Variants in ATP10B observed in about 807,000 individuals in gnomAD.
ATP10B encodes the protein phospholipid-transporting ATPase VB.
ATP10B carries 122 observed loss-of-function variants against 141.2 expected under a neutral mutation model. The ratio of observed to expected loss-of-function variants is 0.86; its 90% CI spans 0.75 to 1.00. The LOEUF is 1.00. Among genes scored for constraint, ATP10B ranks in the 50% least tolerant of loss-of-function variants. The pLI is 0.00. For synonymous variants in ATP10B, 685 were observed against 692.0 expected (o/e 0.99, Z 0.16); for missense variants, 1,876 against 1,825.3 (o/e 1.03, Z -0.51).
chr5:160,788,518 CA>C (rs1041341289), intron 1 of ATP10B, among the ~76,000 whole-genome samples: 3 of 152,032 alleles, frequency 2.0e-5, no homozygotes, highest in Admixed American at 1.3e-4. Flanking sequence ...TTGGCTGTAT[CA>C]AAAAAGAAAC....
At chr5:160,675,078 A>C (rs995036642) in intron 6 of ATP10B, among the ~76,000 whole-genome samples, 7 of 152,148 alleles carry the variant, frequency 4.6e-5, no homozygotes, top group African/African-American at 1.4e-4. Context: ...TGATACAGAA[A>C]AGCAGCATGC....
chr5:160,666,011 T>C (rs1762296479), intron 7 of ATP10B, among the ~76,000 whole-genome samples: 1 of 152,182 alleles, frequency 6.6e-6, no homozygotes, highest in Admixed American at 6.5e-5. Flanking sequence ...CCTCAGAGGT[T>C]TCATGTGTAA....
At chr5:160,580,785 T>A (rs1412542859) in intron 24 of ATP10B, among the ~76,000 whole-genome samples, 8 of 152,218 alleles carry the variant, frequency 5.3e-5, no homozygotes, top group Non-Finnish European at 1.2e-4. Context: ...ATCCGTCTGG[T>A]CCTGGGCTTT....
chr5:160,645,499 A>G (rs568688284), intron 8 of ATP10B, among the ~76,000 whole-genome samples: 132 of 152,328 alleles, frequency 8.7e-4, no homozygotes, highest in African/African-American at 3.2e-3. Context: ...AATAGACCTC[A>G]CAGGAGTGGC....
intron 14 of ATP10B, 92 bp from the exon 15 acceptor site, chr5:160,621,042 T>A (rs1245138854): frequency 7.0e-7 from 1 of 1,437,098 alleles, no homozygotes; most frequent in African/African-American, 1.4e-5. Context: ...ACTTTTGCAA[T>A]AAGTGAAGCC....
chr5:160,926,557 A>C, the ATP10B span, among the ~76,000 whole-genome samples: 23 of 152,380 alleles, frequency 1.5e-4, no homozygotes, highest in African/African-American at 5.5e-4. Flanking sequence ...TCTTAAATCA[A>C]ACAGACAGGG....
At chr5:160,616,750 G>A (rs1274405141) in intron 16 of ATP10B, among the ~76,000 whole-genome samples, 3 of 152,314 alleles carry the variant, frequency 2.0e-5, no homozygotes, top group East Asian at 1.9e-4. Context: ...TAGAGAAAAC[G>A]AAAGGGAACA....
chr5:160,801,543 G>A (rs747878473), intron 1 of ATP10B, among the ~76,000 whole-genome samples: 1 of 152,176 alleles, frequency 6.6e-6, no homozygotes, highest in Non-Finnish European at 1.5e-5. Flanking sequence ...GATTGAATAT[G>A]CTTTATCATT....
rs886853367 is a variant in ATP10B, at chr5:160,729,633, AAGG to A, written c.-330-12602_-330-12600del. The stretch of plus-strand genomic sequence containing the variant: ...GGTAGTGGCAGTAGCAACGGCCTAC[AAGG>A]AGGTTTTATTGGACTCGAAACATGA... On this transcript the variant is annotated intron_variant, in intron 2 of 25. Coordinates refer to ENST00000327245, the MANE Select transcript of ATP10B (RefSeq NM_025153.3). Among the ~76,000 whole-genome samples, 79 of 152,372 alleles carry A rather than the reference AAGG, an allele frequency of 5.2e-4. 1 individual carries two copies. The highest frequency in any genetic ancestry group is 1.8e-3 in the Admixed American group (28 of 15,308).
At chr5:160,724,701 G>A (rs932835869) in intron 2 of ATP10B, among the ~76,000 whole-genome samples, 3 of 152,124 alleles carry the variant, frequency 2.0e-5, no homozygotes, top group Non-Finnish European at 2.9e-5. Context: ...CACAGGTCAT[G>A]TGCCCCCTCA....
chr5:160,792,666 GCTGT>G (rs1283236410), intron 1 of ATP10B, among the ~76,000 whole-genome samples: 33 of 152,268 alleles, frequency 2.2e-4, no homozygotes, highest in African/African-American at 7.0e-4. Flanking sequence ...AATACCTGCT[GCTGT>G]CTACTTGCCC....
At chr5:160,872,935 T>C in the ATP10B span, among the ~76,000 whole-genome samples, 1 of 152,020 alleles carries the variant, frequency 6.6e-6, no homozygotes, top group South Asian at 2.1e-4. Context: ...TTGATGGGGA[T>C]TGCATTGAAT....
chr5:160,901,533 G>A, the ATP10B span, among the ~76,000 whole-genome samples: 2 of 152,116 alleles, frequency 1.3e-5, no homozygotes, highest in African/African-American at 4.8e-5. Flanking sequence ...TGGGGAAAGG[G>A]CAACCAATAA....
chr5:160,705,512 C>A (rs1764960547), intron 3 of ATP10B, among the ~76,000 whole-genome samples: 1 of 152,142 alleles, frequency 6.6e-6, no homozygotes, highest in Non-Finnish European at 1.5e-5. Flanking sequence ...ATTGGGATTA[C>A]AATCTGCCCA....
rs1366415761 is a variant in ATP10B, at chr5:160,607,078, AC to A, written c.2846del (p.Cys949LeufsTer12). 1.2e-6 allele frequency: 2 copies of A among 1,611,884 alleles called. No individual in the cohort carries two copies. Among genetic ancestry groups the A allele is most frequent in the Non-Finnish European group, 1.7e-6 (2 of 1,178,310 alleles). ...CCAATGCACAATTGAGGATGGATTC[AC>A]AGGTCTCCTATAAAGAAGCATAATA... is the stretch of plus-strand genomic sequence containing the variant. Reference protein sequence around the residue: ...YTINTENQETCESILNCALEE... With the variant: ...YTINTENQETXESILNCALEE... On this transcript the variant is annotated frameshift_variant, in exon 19 of 26. Transcript: ENST00000327245. LOFTEE classifies it high-confidence loss of function.
At chr5:160,880,981 A>G in the ATP10B span, among the ~76,000 whole-genome samples, 2 of 152,330 alleles carry the variant, frequency 1.3e-5, no homozygotes, top group East Asian at 1.9e-4. Context: ...CCGAAAGACA[A>G]CATCAAGAGA....
chr5:160,728,310 G>A (rs1273351012), intron 2 of ATP10B, among the ~76,000 whole-genome samples: 1 of 152,114 alleles, frequency 6.6e-6, no homozygotes, highest in Non-Finnish European at 1.5e-5. Flanking sequence ...TGTGGCTTGA[G>A]TTTTTCCCCG....
chr5:160,771,747 C>T (rs1769919918), intron 2 of ATP10B, among the ~76,000 whole-genome samples: 1 of 152,160 alleles, frequency 6.6e-6, no homozygotes, highest in African/African-American at 2.4e-5. Flanking sequence ...CTCTCTGTCC[C>T]ATCTTGCTTT....
intron 19 of ATP10B, among the ~76,000 whole-genome samples, chr5:160,606,465 T>C (rs1383954624): frequency 6.6e-6 from 1 of 152,216 alleles, no homozygotes; most frequent in East Asian, 1.9e-4. Flanking sequence ...TGAATATAAT[T>C]ACTGGCAACA....
Sources: allele counts gnomAD v4.1 joint callset (sites outside exome capture counted in the v4.1 genomes callset), GRCh38; gene constraint gnomAD v4.1.1; transcripts MANE v1.5; gene names NCBI Gene and HGNC (gene_info 2026-07-23, HGNC 2026-07-21).